Variants in TAMM41 observed in about 807,000 individuals in gnomAD.
TAMM41 encodes TAM41 mitochondrial translocator assembly and maintenance homolog, also known as phosphatidate cytidylyltransferase, mitochondrial.
In TAMM41, 36 loss-of-function variants were observed where a neutral mutation model predicts 44.1. The observed-to-expected ratio is 0.82, with a 90% CI of 0.63 to 1.08. TAMM41 has a LOEUF of 1.08. TAMM41 is among the 50% of genes least tolerant of loss of function. TAMM41 has a pLI of 0.00. For synonymous variants in TAMM41, 164 were observed against 153.1 expected, an observed-to-expected ratio of 1.07 and a Z score of -0.53; for missense variants, 417 against 404.3, an observed-to-expected ratio of 1.03 and a Z score of -0.27.
At chr3:11,789,832 CAGCACG>C (rs1295135770), downstream of TAMM41, among the ~76,000 whole-genome samples, 1 of 152,210 alleles carries the variant, frequency 6.6e-6, no homozygotes, top group Admixed American at 6.5e-5. Context: ...AAGCCAGCCT[CAGCACG>C]ATGCTAACAC....
chr3:11,804,352 A>G (rs1166444640), intron 7 of TAMM41, among the ~76,000 whole-genome samples: 1 of 152,192 alleles, frequency 6.6e-6, no homozygotes, highest in Non-Finnish European at 1.5e-5. Flanking sequence ...CTTTGACAAT[A>G]TATCAGCTCA....
intron 7 of TAMM41, among the ~76,000 whole-genome samples, chr3:11,795,089 A>T (rs1289565676): frequency 6.6e-6 from 1 of 152,182 alleles, no homozygotes; most frequent in Non-Finnish European, 1.5e-5. Flanking sequence ...ATAATGACTA[A>T]TCCATTCTAC....
At chr3:11,772,030 C>T in the TAMM41 span, among the ~76,000 whole-genome samples, 4 of 152,008 alleles carry the variant, frequency 2.6e-5, no homozygotes, top group African/African-American at 9.7e-5. Flanking sequence ...ACCCTCACCC[C>T]CTCCCACTTT....
chr3:11,762,312 C>T, the TAMM41 span, among the ~76,000 whole-genome samples: 2 of 152,168 alleles, frequency 1.3e-5, no homozygotes, highest in Non-Finnish European at 2.9e-5. Context: ...CCTGCACAGA[C>T]CTTTGCTAGT....
rs569366848 is a variant in TAMM41 at position 11,837,778 on chromosome 3, C to A, written c.411+1444G>T. On this transcript the variant is annotated intron_variant, in intron 3 of 7. Coordinates refer to ENST00000455809, the MANE Select transcript of TAMM41 (RefSeq NM_001284401.2). ...TAGCAGACAAGGTGACTGGGTGGTG[C>A]TAAGGGAGGCTCCACTGAGGCACCA... is the stretch of plus-strand genomic sequence containing the variant. Among the ~76,000 whole-genome samples, 7 of 152,312 alleles carry A rather than the reference C, an allele frequency of 4.6e-5. No homozygotes were observed. The South Asian group carries it at 1.4e-3, about 32-fold the overall frequency.
intron 7 of TAMM41, among the ~76,000 whole-genome samples, chr3:11,792,171 C>T (rs1024530677): frequency 1.4e-5 from 2 of 145,722 alleles, no homozygotes; most frequent in Non-Finnish European, 2.9e-5. Flanking sequence ...CACCATGTAG[C>T]CATTTTTTTT....
At chr3:11,741,092 G>A in the TAMM41 span, among the ~76,000 whole-genome samples, 1 of 146,914 alleles carries the variant, frequency 6.8e-6, no homozygotes, top group Non-Finnish European at 1.5e-5. Flanking sequence ...GGTGGCGCAT[G>A]CCTGTAATCT....
the TAMM41 span, among the ~76,000 whole-genome samples, chr3:11,772,789 G>C: frequency 6.6e-6 from 1 of 152,142 alleles, no homozygotes; most frequent in African/African-American, 2.4e-5. Context: ...CCTATTCAGG[G>C]TGAGGCACTG....
the TAMM41 span, among the ~76,000 whole-genome samples, chr3:11,753,285 A>G: frequency 1.3e-5 from 2 of 151,974 alleles, no homozygotes; most frequent in Non-Finnish European, 2.9e-5. Context: ...AAAAAGAAAA[A>G]ATAGTGGGGC....
chr3:11,742,776 G>A, the TAMM41 span, among the ~76,000 whole-genome samples: 995 of 138,938 alleles, frequency 7.2e-3, 14 homozygotes, highest in Non-Finnish European at 0.011. Flanking sequence ...TTTTTTTTTG[G>A]TAGAGACAGG....
At chr3:11,826,319 A>G (rs1207030339) in intron 4 of TAMM41, among the ~76,000 whole-genome samples, 1 of 152,116 alleles carries the variant, frequency 6.6e-6, no homozygotes, top group Non-Finnish European at 1.5e-5. Flanking sequence ...GGATCGTTTG[A>G]GCTCAGGAAT....
At position 11,846,470 on chromosome 3, in the gene TAMM41, CAGTT is replaced by C. The variant is rs753043250; in HGVS notation, c.135+28_135+31del. 760 of 1,613,476 alleles carry C rather than the reference CAGTT, an allele frequency of 4.7e-4. 1 individual carries two copies. The highest frequency in any genetic ancestry group is 1.1e-3 in the South Asian group (103 of 91,012). Reference sequence around the variant, plus strand: ...GCAAAACGGGACTCGTGAGAACAGACAGTTCCCCGTCGTGGGGCTGCCCGGGCTC... The same window carrying C: ...GCAAAACGGGACTCGTGAGAACAGACCCCCGTCGTGGGGCTGCCCGGGCTC... On this transcript the variant is annotated intron_variant, in intron 1 of 7. Coordinates refer to ENST00000455809, the MANE Select transcript of TAMM41 (RefSeq NM_001284401.2).
At chr3:11,783,028 C>A in the TAMM41 span, among the ~76,000 whole-genome samples, 1 of 152,206 alleles carries the variant, frequency 6.6e-6, no homozygotes, top group Non-Finnish European at 1.5e-5. Flanking sequence ...CAGACCAGGC[C>A]TCTGGCCATG....
chr3:11,774,743 T>G, the TAMM41 span, among the ~76,000 whole-genome samples: 1 of 152,214 alleles, frequency 6.6e-6, no homozygotes, highest in African/African-American at 2.4e-5. Context: ...TGGCCACTTC[T>G]CATTGCAACT....
chr3:11,833,104 T>C, intron 3 of TAMM41: 1 of 1,283,922 alleles, frequency 7.8e-7, no homozygotes, highest in Non-Finnish European at 1.0e-6. Flanking sequence ...TGTTATTTGT[T>C]GTTCAGAGTG....
At chr3:11,801,947 G>A (rs1476963686) in intron 7 of TAMM41, among the ~76,000 whole-genome samples, 1 of 152,180 alleles carries the variant, frequency 6.6e-6, no homozygotes, top group African/African-American at 2.4e-5. Flanking sequence ...GGGACTAGGT[G>A]CAGTGGCTCA....
chr3:11,835,697 A>C (rs1255009515), intron 3 of TAMM41, among the ~76,000 whole-genome samples: 1 of 152,240 alleles, frequency 6.6e-6, no homozygotes, highest in African/African-American at 2.4e-5. Flanking sequence ...ACAACATTTT[A>C]ACATTCAATT....
At chr3:11,799,758 C>T (rs903923713) in intron 7 of TAMM41, among the ~76,000 whole-genome samples, 2 of 152,136 alleles carry the variant, frequency 1.3e-5, no homozygotes, top group African/African-American at 2.4e-5. Flanking sequence ...CAGGTGAATA[C>T]ACTGCAAAAA....
chr3:11,733,792 G>T, the TAMM41 span, among the ~76,000 whole-genome samples: 1 of 151,890 alleles, frequency 6.6e-6, no homozygotes, highest in Admixed American at 6.6e-5. Context: ...ACCACGCCCG[G>T]CCAGGGGGGT....
Sources: gnomAD v4.1 joint callset for allele counts (sites outside exome capture counted in the v4.1 genomes callset) on GRCh38, gnomAD v4.1.1 for gene constraint, MANE v1.5 for transcripts, NCBI Gene and HGNC (gene_info 2026-07-23, HGNC 2026-07-21) for gene names.